The following GPC5 variants were observed in gnomAD, a reference collection of about 807,000 sequenced individuals.
The protein encoded by GPC5 is glypican-5.
A neutral mutation model predicts 53.9 loss-of-function variants in GPC5; 47 were observed. The observed-to-expected ratio is 0.87, with a 90% CI of 0.69 to 1.11. The LOEUF is 1.11. GPC5 is among the 50% of genes most tolerant of loss of function. The pLI is 0.00. For synonymous variants in GPC5, 286 were observed against 263.3 expected (o/e 1.09, Z -0.84); for missense variants, 748 against 713.1 (o/e 1.05, Z -0.56).
intron 7 of GPC5, among the ~76,000 whole-genome samples, chr13:92,665,247 G>C (rs1374519909): frequency 6.6e-6 from 1 of 152,142 alleles, no homozygotes; most frequent in African/African-American, 2.4e-5. Flanking sequence ...TGGAGGGACA[G>C]TGTTTAGTTT....
intron 2 of GPC5, among the ~76,000 whole-genome samples, chr13:91,652,561 C>T (rs949743075): frequency 3.3e-5 from 5 of 152,072 alleles, no homozygotes; most frequent in East Asian, 1.9e-4. Context: ...AGCAACTAAA[C>T]GCAGGTAGGA....
intron 2 of GPC5, among the ~76,000 whole-genome samples, chr13:91,546,121 T>C (rs1382574681): frequency 6.6e-6 from 1 of 152,112 alleles, no homozygotes; most frequent in Non-Finnish European, 1.5e-5. Flanking sequence ...TTGTACATCA[T>C]TTAGGATAAT....
intron 7 of GPC5, among the ~76,000 whole-genome samples, chr13:92,756,643 CA>C: frequency 7.0e-6 from 1 of 143,166 alleles, no homozygotes; most frequent in East Asian, 2.2e-4. Context: ...TCTCAGGATA[CA>C]AAATCAATGT....
chr13:92,092,904 T>C (rs905321428), intron 6 of GPC5, among the ~76,000 whole-genome samples: 3 of 152,152 alleles, frequency 2.0e-5, no homozygotes, highest in Admixed American at 6.6e-5. Flanking sequence ...TAGGCAGACA[T>C]TCATGCTGAA....
intron 5 of GPC5, among the ~76,000 whole-genome samples, chr13:91,825,072 T>C (rs1335428954): frequency 6.6e-6 from 1 of 151,588 alleles, no homozygotes; most frequent in Non-Finnish European, 1.5e-5. Context: ...TCAATGATGC[T>C]AACATTTAGA....
At chr13:92,169,137 C>T (rs1331194020) in intron 7 of GPC5, among the ~76,000 whole-genome samples, 3 of 151,946 alleles carry the variant, frequency 2.0e-5, no homozygotes, top group South Asian at 4.2e-4. Flanking sequence ...AATGAGAATA[C>T]GTGGACAAAG....
chr13:92,623,668 A>G (rs141940948), intron 7 of GPC5, among the ~76,000 whole-genome samples: 2 of 152,266 alleles, frequency 1.3e-5, no homozygotes, highest in South Asian at 2.1e-4. Flanking sequence ...CTATATTTTC[A>G]GATGTGAGAT....
intron 2 of GPC5, among the ~76,000 whole-genome samples, chr13:91,579,304 G>A (rs755316044): frequency 3.3e-5 from 5 of 152,132 alleles, no homozygotes; most frequent in African/African-American, 9.7e-5. Context: ...AAACTCAAAT[G>A]TCCTCTTCTT....
chr13:91,444,864 C>T (rs1880675954), intron 1 of GPC5, among the ~76,000 whole-genome samples: 1 of 152,128 alleles, frequency 6.6e-6, no homozygotes, highest in African/African-American at 2.4e-5. Flanking sequence ...GCTGTAGGAG[C>T]CCCGCTTTAC....
At chr13:92,549,997 C>T (rs988025601) in intron 7 of GPC5, among the ~76,000 whole-genome samples, 3 of 151,416 alleles carry the variant, frequency 2.0e-5, no homozygotes, top group African/African-American at 7.3e-5. Flanking sequence ...AACTATAATT[C>T]AAGTATACTG....
intron 7 of GPC5, among the ~76,000 whole-genome samples, chr13:92,531,447 T>C (rs572613933): frequency 1.3e-5 from 2 of 152,014 alleles, no homozygotes; most frequent in East Asian, 3.9e-4. Context: ...GTAAAACTAA[T>C]ACACTAAATA....
intron 6 of GPC5, among the ~76,000 whole-genome samples, chr13:91,952,472 C>T (rs958522989): frequency 2.0e-5 from 3 of 152,148 alleles, no homozygotes; most frequent in Non-Finnish European, 4.4e-5. Context: ...CATGGCCCTG[C>T]TCTCACAAAT....
At chr13:92,015,093 C>T (rs1248235163) in intron 6 of GPC5, among the ~76,000 whole-genome samples, 4 of 152,016 alleles carry the variant, frequency 2.6e-5, no homozygotes, top group African/African-American at 9.7e-5. Flanking sequence ...AAACTGTGCC[C>T]CACAAGCAAA....
intron 6 of GPC5, among the ~76,000 whole-genome samples, chr13:91,952,051 AT>A (rs1029577021): frequency 6.6e-6 from 1 of 152,154 alleles, no homozygotes; most frequent in Non-Finnish European, 1.5e-5. Flanking sequence ...TTTAAGTATA[AT>A]GTAGGCAATT....
intron 7 of GPC5, among the ~76,000 whole-genome samples, chr13:92,317,922 A>T (rs1174728002): frequency 6.6e-6 from 1 of 152,182 alleles, no homozygotes; most frequent in East Asian, 1.9e-4. Flanking sequence ...AGTTTAACAA[A>T]CTTCAATTCT....
chr13:92,033,413 C>T (rs1259202667), intron 6 of GPC5, among the ~76,000 whole-genome samples: 3 of 152,118 alleles, frequency 2.0e-5, no homozygotes, highest in Non-Finnish European at 4.4e-5. Flanking sequence ...AAAGTACTCT[C>T]ATTAGACCTT....
chr13:92,526,371 C>T (rs768225285), intron 7 of GPC5, among the ~76,000 whole-genome samples: 7 of 152,020 alleles, frequency 4.6e-5, no homozygotes, highest in Non-Finnish European at 1.0e-4. Context: ...TCACTAACTC[C>T]ATAGATAGTG....
chr13:92,009,626 G>GT (rs2040642477), intron 6 of GPC5, among the ~76,000 whole-genome samples: 2 of 152,104 alleles, frequency 1.3e-5, no homozygotes. Flanking sequence ...ATTTCTAGGG[G>GT]TTTTTCTCCT....
intron 2 of GPC5, among the ~76,000 whole-genome samples, chr13:91,466,948 A>G (rs1443313656): frequency 1.3e-5 from 2 of 152,106 alleles, no homozygotes; most frequent in Admixed American, 6.6e-5. Context: ...GCACTGTACC[A>G]TTTTCAGGCA....
Sources: gnomAD v4.1 joint callset for allele counts (sites outside exome capture counted in the v4.1 genomes callset) on GRCh38, gnomAD v4.1.1 for gene constraint, MANE v1.5 for transcripts, NCBI Gene and HGNC (gene_info 2026-07-23, HGNC 2026-07-21) for gene names.